The following SH3RF1 variants were observed in gnomAD, a reference collection of about 807,000 sequenced individuals.
SH3RF1 encodes the protein E3 ubiquitin-protein ligase SH3RF1.
A neutral mutation model predicts 74.0 loss-of-function variants in SH3RF1; 32 were observed. The ratio of observed to expected loss-of-function variants is 0.43; its 90% CI spans 0.33 to 0.58. SH3RF1 has a LOEUF of 0.58. SH3RF1 is among the 20% of genes least tolerant of loss of function. The pLI is 0.05. For synonymous variants in SH3RF1, 396 were observed against 439.6 expected, an observed-to-expected ratio of 0.90 and a Z score of 1.24; for missense variants, 954 against 1,130.9, an observed-to-expected ratio of 0.84 and a Z score of 2.24.
intron 8 of SH3RF1, among the ~76,000 whole-genome samples, chr4:169,118,193 C>T (rs112440351): frequency 3.3e-5 from 5 of 152,312 alleles, no homozygotes; most frequent in African/African-American, 1.2e-4. Flanking sequence ...TCCAGCTCCA[C>T]ATCACACATG....
chr4:169,160,761 TGAAA>T (rs1734137936), intron 2 of SH3RF1, among the ~76,000 whole-genome samples: 1 of 152,238 alleles, frequency 6.6e-6, no homozygotes. Context: ...CAGTGATCTT[TGAAA>T]GACTTATTCC....
intron 2 of SH3RF1, among the ~76,000 whole-genome samples, chr4:169,238,815 C>A (rs1387523913): frequency 6.6e-6 from 1 of 152,178 alleles, no homozygotes; most frequent in African/African-American, 2.4e-5. Flanking sequence ...TTACTGTCTT[C>A]CTCCTCATAT....
intron 4 of SH3RF1, among the ~76,000 whole-genome samples, chr4:169,142,193 T>A (rs1302684818): frequency 6.6e-6 from 1 of 152,146 alleles, no homozygotes; most frequent in Non-Finnish European, 1.5e-5. Context: ...TGACCTCAGA[T>A]GATCTGCCTG....
At chr4:169,202,079 T>C (rs1734918466) in intron 2 of SH3RF1, among the ~76,000 whole-genome samples, 1 of 151,744 alleles carries the variant, frequency 6.6e-6, no homozygotes, top group Non-Finnish European at 1.5e-5. Context: ...GACAATGCTG[T>C]CAGCTTAAAA....
intron 8 of SH3RF1, among the ~76,000 whole-genome samples, chr4:169,119,278 ATTTTTTTTTTTTT>A (rs11397253): frequency 3.0e-5 from 2 of 66,394 alleles, no homozygotes; most frequent in African/African-American, 5.9e-5. Context: ...TAATTTTTGT[ATTTTTTTTTTTTT>A]TTTTTTTTTT....
intron 2 of SH3RF1, among the ~76,000 whole-genome samples, chr4:169,189,297 G>A (rs1198908580): frequency 1.3e-5 from 2 of 152,236 alleles, no homozygotes; most frequent in African/African-American, 4.8e-5. Context: ...ACCTCGTGCT[G>A]ACATTTTGCT....
intron 11 of SH3RF1, among the ~76,000 whole-genome samples, chr4:169,100,995 C>A (rs28694379): frequency 0.018 from 2,723 of 152,320 alleles, 83 homozygotes; most frequent in African/African-American, 0.062. Flanking sequence ...AAATCTCCAG[C>A]CCCATGGCTG....
intron 2 of SH3RF1, among the ~76,000 whole-genome samples, chr4:169,264,450 T>C (rs1731322002): frequency 6.6e-6 from 1 of 152,194 alleles, no homozygotes; most frequent in Non-Finnish European, 1.5e-5. Context: ...AACGTAGCAA[T>C]GTTGGGGGAC....
At chr4:169,262,094 A>G (rs1241044100) in intron 2 of SH3RF1, among the ~76,000 whole-genome samples, 1 of 152,180 alleles carries the variant, frequency 6.6e-6, no homozygotes, top group Non-Finnish European at 1.5e-5. Flanking sequence ...ACATCAATAA[A>G]GAGTTTTTTC....
chr4:169,153,099 C>T (rs978218743), intron 4 of SH3RF1, among the ~76,000 whole-genome samples: 2 of 152,148 alleles, frequency 1.3e-5, no homozygotes, highest in African/African-American at 4.8e-5. Flanking sequence ...TTACCTAAGT[C>T]GGCCAGCAGG....
chr4:169,237,706 GC>G (rs1730842004), intron 2 of SH3RF1, among the ~76,000 whole-genome samples: 1 of 151,940 alleles, frequency 6.6e-6, no homozygotes, highest in Non-Finnish European at 1.5e-5. Context: ...AGAAGAATCA[GC>G]AAAAAGACAC....
chr4:169,230,584 C>T (rs972936093), intron 2 of SH3RF1, among the ~76,000 whole-genome samples: 3 of 152,036 alleles, frequency 2.0e-5, no homozygotes, highest in Middle Eastern at 3.2e-3. Flanking sequence ...TCCACGTGGG[C>T]GCAGTGACTC....
At position 169,146,058 on chromosome 4, in the gene SH3RF1, T is replaced by TATTCTATATATTCTATATAAAATATTAC. The variant is rs1561036240; in HGVS notation, c.765+9421_765+9422insGTAATATTTTATATAGAATATATAGAAT. 3.0e-3 allele frequency among the ~76,000 whole-genome samples: 373 copies of TATTCTATATATTCTATATAAAATATTAC among 126,096 alleles called. 60 individuals carry two copies. The highest frequency in any genetic ancestry group is 0.011 in the African/African-American group (354 of 30,940). The allele number at this position is 126,096 out of a possible 152,430, so 82.7% of individuals were successfully genotyped here. On this transcript the variant is annotated intron_variant, in intron 4 of 11. Coordinates refer to ENST00000284637, the MANE Select transcript of SH3RF1 (RefSeq NM_020870.4). ...TCTATATATTCTATATAAAATATTA[T>TATTCTATATATTCTATATAAAATATTAC]ATATTCTATATAAAATATTATATAT...
intron 2 of SH3RF1, among the ~76,000 whole-genome samples, chr4:169,173,901 T>C (rs1734372377): frequency 6.6e-6 from 1 of 152,024 alleles, no homozygotes; most frequent in African/African-American, 2.4e-5. Context: ...ACCAAGTCTT[T>C]TAGAAAAATA....
At chr4:169,123,469 TG>T (rs1165935844) in intron 6 of SH3RF1, among the ~76,000 whole-genome samples, 1 of 152,214 alleles carries the variant, frequency 6.6e-6, no homozygotes, top group African/African-American at 2.4e-5. Flanking sequence ...GAACATTTAG[TG>T]CAGAAACAAA....
chr4:169,099,904 G>C (rs189936840), intron 11 of SH3RF1, among the ~76,000 whole-genome samples: 1 of 152,116 alleles, frequency 6.6e-6, no homozygotes, highest in South Asian at 2.1e-4. Flanking sequence ...AGTCTTGATC[G>C]TATGAAGACT....
rs531299625 is a variant in SH3RF1, at chr4:169,146,161, TA to T, written c.765+9318del. ...TATCTATATATTCTATATAAAATATTATATATCTATATATTATATATTCTAT... is the reference window on the plus strand; with the variant it reads ...TATCTATATATTCTATATAAAATATTTATATCTATATATTATATATTCTAT... On this transcript the variant is annotated intron_variant, in intron 4 of 11. Transcript: ENST00000284637. Among the ~76,000 whole-genome samples the T allele has an allele frequency of 2.9e-3, 421 of 142,860 alleles. 3 individuals carry two copies. The highest frequency in any genetic ancestry group is 7.4e-3 in the Middle Eastern group (2 of 272). 93.7% of individuals were successfully genotyped at this position (142,860 alleles called of 152,430 possible).
At chr4:169,169,110 T>C (rs925481134) in intron 2 of SH3RF1, among the ~76,000 whole-genome samples, 1 of 152,218 alleles carries the variant, frequency 6.6e-6, no homozygotes, top group Non-Finnish European at 1.5e-5. Context: ...TGCATATTAC[T>C]GTTACTGTTC....
chr4:169,159,856 G>T (rs1034163450), intron 2 of SH3RF1, among the ~76,000 whole-genome samples: 11 of 152,176 alleles, frequency 7.2e-5, no homozygotes, highest in Non-Finnish European at 1.5e-4. Flanking sequence ...CTCCTAGGAA[G>T]TGTTCAGGAT....
Sources: gnomAD v4.1 joint callset for allele counts (sites outside exome capture counted in the v4.1 genomes callset) on GRCh38, gnomAD v4.1.1 for gene constraint, MANE v1.5 for transcripts, NCBI Gene and HGNC (gene_info 2026-07-23, HGNC 2026-07-21) for gene names.